CPS1: variants seen among roughly 807,000 people sequenced by gnomAD.
CPS1 encodes carbamoyl-phosphate synthase 1, also known as carbamoyl-phosphate synthase [ammonia], mitochondrial.
In CPS1, 109 loss-of-function variants were observed where a neutral mutation model predicts 174.6. The ratio of observed to expected loss-of-function variants is 0.62; its 90% CI spans 0.53 to 0.73. The LOEUF is 0.73. CPS1 is among the 30% of genes least tolerant of loss of function. CPS1 has a pLI of 0.00. For synonymous variants in CPS1, 637 were observed against 632.0 expected, an observed-to-expected ratio of 1.01 and a Z score of -0.12; for missense variants, 1,689 against 1,821.9, an observed-to-expected ratio of 0.93 and a Z score of 1.33.
chr2:210,516,722 G>C (rs1367157892), intron 1 of CPS1, among the ~76,000 whole-genome samples: 2 of 151,848 alleles, frequency 1.3e-5, no homozygotes, highest in African/African-American at 4.8e-5. Context: ...ATGGGCTACT[G>C]GATCAGGTCT....
At position 210,624,358 on chromosome 2, in the gene CPS1, G is replaced by A. The variant is rs1574608349; in HGVS notation, c.2687+7817G>A. On this transcript the variant is annotated intron_variant, in intron 21 of 37. Transcript: ENST00000233072. ...AAGTAACAAACTTTAAAGAAAAACAGTCTTACCAGTTATTACATATTACCA... is the reference window on the plus strand; with the variant it reads ...AAGTAACAAACTTTAAAGAAAAACAATCTTACCAGTTATTACATATTACCA... Among the ~76,000 whole-genome samples the A allele has an allele frequency of 2.0e-5, 3 of 152,020 alleles. No homozygotes were observed. In the South Asian group the frequency reaches 6.2e-4, roughly 31 times the overall value.
chr2:210,618,407 A>T (rs1195760454), intron 21 of CPS1: 1 of 152,068 alleles, frequency 6.6e-6, no homozygotes. Flanking sequence ...TGATCCAGGG[A>T]GGTTGAAGTG....
In CPS1 at chr2:210,641,363, C is replaced by T. The variant is rs58205745; in HGVS notation, c.2960-1121C>T. On this transcript the variant is annotated intron_variant, in intron 24 of 37. Coordinates refer to ENST00000233072, the MANE Select transcript of CPS1 (RefSeq NM_001875.5). ...CTAGTCTCACACTTCTGGACTCAAGCGATCCTCCTGCCTCAGCCTCCCAAA... is the reference window on the plus strand; with the variant it reads ...CTAGTCTCACACTTCTGGACTCAAGTGATCCTCCTGCCTCAGCCTCCCAAA... Among the ~76,000 whole-genome samples, 1,157 of 152,154 alleles carry T rather than the reference C, an allele frequency of 7.6e-3. 12 individuals are homozygous for T. Among genetic ancestry groups the T allele is most frequent in the African/African-American group, 0.026 (1,094 of 41,516 alleles).
At chr2:210,616,904 T>C (rs1699331170) in intron 21 of CPS1, among the ~76,000 whole-genome samples, 1 of 152,036 alleles carries the variant, frequency 6.6e-6, no homozygotes, top group African/African-American at 2.4e-5. Flanking sequence ...ATTTGTTTTC[T>C]ATAAATTTTC....
chr2:210,634,756 A>G (rs1376838229), intron 21 of CPS1, among the ~76,000 whole-genome samples: 1 of 152,214 alleles, frequency 6.6e-6, no homozygotes, highest in Non-Finnish European at 1.5e-5. Context: ...CAGGCAGGAC[A>G]GGTCTGATAC....
chr2:210,586,881 T>C (rs1184747037), intron 6 of CPS1, among the ~76,000 whole-genome samples: 7 of 152,110 alleles, frequency 4.6e-5, no homozygotes, highest in Non-Finnish European at 1.0e-4. Flanking sequence ...TTGGAAATGT[T>C]GATAACTTCA....
chr2:210,546,068 A>T (rs1457172203), intron 1 of CPS1, among the ~76,000 whole-genome samples: 1 of 152,052 alleles, frequency 6.6e-6, no homozygotes, highest in Non-Finnish European at 1.5e-5. Flanking sequence ...AGAGTAGAAA[A>T]TACACATTTT....
intron 1 of CPS1, among the ~76,000 whole-genome samples, chr2:210,557,618 G>C (rs757649004): frequency 6.6e-6 from 1 of 152,028 alleles, no homozygotes; most frequent in Non-Finnish European, 1.5e-5. Flanking sequence ...CATTATCAGA[G>C]AAGCCTGAAG....
Position 210,483,664 on chromosome 2 carries a change from T to A in CPS1, c.3+5898T>A, listed in dbSNP as rs548159748. 7.9e-5 allele frequency among the ~76,000 whole-genome samples: 12 copies of A among 152,358 alleles called. No homozygotes were observed. The East Asian group carries it at 2.1e-3, about 27-fold the overall frequency. ...ACTCCCACTCTCCATTATAAATTCC[T>A]AATTTACTCTCTCTGCACCAAGTCT... On this transcript the variant is annotated intron_variant, in intron 1 of 38. Coordinates refer to the CPS1 transcript ENST00000430249.
chr2:210,595,904 A>G (rs1035545644), intron 13 of CPS1, among the ~76,000 whole-genome samples: 2 of 151,884 alleles, frequency 1.3e-5, no homozygotes, highest in African/African-American at 4.8e-5. Flanking sequence ...AAATATACTT[A>G]TCTTTTATGT....
chr2:210,545,058 C>A (rs576782128), intron 1 of CPS1, among the ~76,000 whole-genome samples: 2 of 152,006 alleles, frequency 1.3e-5, no homozygotes, highest in Non-Finnish European at 2.9e-5. Flanking sequence ...GGAAGAAACA[C>A]GGAGCCCAGT....
chr2:210,575,843 T>C (rs1220580588), intron 2 of CPS1, among the ~76,000 whole-genome samples: 1 of 152,082 alleles, frequency 6.6e-6, no homozygotes, highest in Non-Finnish European at 1.5e-5. Flanking sequence ...TATATACTCA[T>C]GCAACCACCA....
intron 6 of CPS1, among the ~76,000 whole-genome samples, chr2:210,585,420 G>C (rs1291170947): frequency 6.6e-6 from 1 of 151,894 alleles, no homozygotes; most frequent in African/African-American, 2.4e-5. Flanking sequence ...ACGATCTATT[G>C]AGTACTTATT....
rs4567871 is a variant in CPS1, at chr2:210,674,578, C to T, written c.4102-324C>T. On this transcript the variant is annotated intron_variant, in intron 34 of 37. Transcript: ENST00000233072. ...CTAACCCGCATATCTTTTAAGTCCT[C>T]CCTGACCAGGAAAAGGATCCTTGTA... 66,278 of 337,752 alleles carry T rather than the reference C, an allele frequency of 0.2. 10,623 individuals are homozygous for T. The highest frequency in any genetic ancestry group is 0.7 in the East Asian group (11,871 of 16,894). The allele number at this position is 337,752 out of a possible 1,614,324, so 20.9% of individuals were successfully genotyped here.
chr2:210,637,584 C>A, intron 21 of CPS1, 118 bp from the exon 22 acceptor site: 1 of 1,065,920 alleles, frequency 9.4e-7, no homozygotes, highest in Non-Finnish European at 1.4e-6. Flanking sequence ...GATAACAAGA[C>A]TTAAATATGT....
intron 35 of CPS1, 67 bp from the exon 36 acceptor site, chr2:210,675,661 A>G (rs1701501061): frequency 1.2e-6 from 1 of 818,680 alleles, no homozygotes; most frequent in African/African-American, 1.7e-5. Context: ...TATGTTTTAA[A>G]TTACATGTTC....
intron 1 of CPS1, among the ~76,000 whole-genome samples, chr2:210,515,349 G>GT (rs142776007): frequency 0.4 from 60,184 of 149,966 alleles, 13,495 homozygotes; most frequent in Non-Finnish European, 0.52. Context: ...TGGTTGGTAG[G>GT]TTTTTTTTTA....
intron 1 of CPS1, among the ~76,000 whole-genome samples, chr2:210,532,768 A>G (rs374272835): frequency 2.6e-5 from 4 of 152,158 alleles, no homozygotes; most frequent in East Asian, 3.9e-4. Context: ...AACAGTTCCT[A>G]TTCAGGGTGC....
chr2:210,498,613 A>G (rs1695065003), intron 1 of CPS1, among the ~76,000 whole-genome samples: 1 of 152,140 alleles, frequency 6.6e-6, no homozygotes, highest in Non-Finnish European at 1.5e-5. Flanking sequence ...ACAGTTTGAC[A>G]TCTTCTTTAC....
Sources: gnomAD v4.1 joint callset for allele counts (sites outside exome capture counted in the v4.1 genomes callset) on GRCh38, gnomAD v4.1.1 for gene constraint, MANE v1.5 for transcripts, NCBI Gene and HGNC (gene_info 2026-07-23, HGNC 2026-07-21) for gene names.